KCNAB1: variants seen among roughly 807,000 people sequenced by gnomAD.
KCNAB1 encodes potassium voltage-gated channel subfamily A regulatory beta subunit 1, also known as voltage-gated potassium channel subunit beta-1.
In KCNAB1, 35 loss-of-function variants were observed where a neutral mutation model predicts 64.6. The observed-to-expected ratio is 0.54, with a 90% CI of 0.41 to 0.72. KCNAB1 has a LOEUF of 0.72. Ranked by LOEUF, KCNAB1 falls within the 30% of genes least tolerant of loss-of-function variation. KCNAB1 has a pLI of 0.00. For missense variants in KCNAB1, 401 were observed against 512.9 expected (o/e 0.78, Z 2.11); for synonymous variants, 177 against 183.8 (o/e 0.96, Z 0.30).
At chr3:156,381,254 G>A (rs73873348) in intron 1 of KCNAB1, among the ~76,000 whole-genome samples, 2,955 of 152,224 alleles carry the variant, frequency 0.019, 90 homozygotes, top group African/African-American at 0.066. Context: ...TGAACTGGCC[G>A]GTTAAAGGAT....
At chr3:156,450,552 A>G (rs1343884018) in intron 2 of KCNAB1, among the ~76,000 whole-genome samples, 1 of 152,220 alleles carries the variant, frequency 6.6e-6, no homozygotes, top group African/African-American at 2.4e-5. Flanking sequence ...TAACATTTAC[A>G]AATGCCTGTT....
At chr3:156,400,266 T>C (rs1713793978) in intron 1 of KCNAB1, among the ~76,000 whole-genome samples, 1 of 152,234 alleles carries the variant, frequency 6.6e-6, no homozygotes, top group South Asian at 2.1e-4. Flanking sequence ...ACAGGCAATG[T>C]GTTTGGAGCC....
intron 2 of KCNAB1, among the ~76,000 whole-genome samples, chr3:156,423,700 T>TG (rs1286026721): frequency 6.6e-6 from 1 of 152,200 alleles, no homozygotes; most frequent in Non-Finnish European, 1.5e-5. Flanking sequence ...GGTGGGTTTT[T>TG]GTTTTTTTAC....
At chr3:156,310,497 G>A (rs1340981421) in intron 1 of KCNAB1, among the ~76,000 whole-genome samples, 1 of 152,172 alleles carries the variant, frequency 6.6e-6, no homozygotes, top group African/African-American at 2.4e-5. Flanking sequence ...CACCAGAGGA[G>A]TTGATAAGAA....
At chr3:156,122,331 T>C (rs1560096613) in intron 1 of KCNAB1, among the ~76,000 whole-genome samples, 1 of 152,234 alleles carries the variant, frequency 6.6e-6, no homozygotes. Context: ...AAGGAAAGCA[T>C]TGAAAATGGT....
chr3:156,504,959 C>G (rs1270081304), intron 8 of KCNAB1, among the ~76,000 whole-genome samples: 2 of 152,060 alleles, frequency 1.3e-5, no homozygotes, highest in East Asian at 3.9e-4. Flanking sequence ...CTTTTGAGGT[C>G]TTTCCCATAA....
chr3:156,310,943 G>A (rs1721858236), intron 1 of KCNAB1, among the ~76,000 whole-genome samples: 1 of 152,180 alleles, frequency 6.6e-6, no homozygotes, highest in African/African-American at 2.4e-5. Flanking sequence ...GATGTGGGGA[G>A]GACTGGAACT....
chr3:156,156,960 G>A lies in KCNAB1; in HGVS notation c.275+36074G>A, dbSNP rs1715763146. 3.9e-5 allele frequency among the ~76,000 whole-genome samples: 6 copies of A among 152,308 alleles called. 1 individual carries two copies. In the South Asian group the frequency reaches 1.2e-3, roughly 32 times the overall value. On this transcript the variant is annotated intron_variant, in intron 1 of 13. Coordinates refer to ENST00000490337, the MANE Select transcript of KCNAB1 (RefSeq NM_172160.3). ...AGCCTAGGCTCTCCAATGTGAGGAG[G>A]TAGGAGAGATGAAGAGGAACCAGCA...
At position 156,292,158 on chromosome 3, in the gene KCNAB1, G is replaced by GT. The variant is rs147008612; in HGVS notation, c.276-129457dup. 2,239 of 1,610,920 alleles carry GT rather than the reference G, an allele frequency of 1.4e-3. 17 individuals are homozygous for GT. In the African/African-American group the frequency reaches 0.025, roughly 18 times the overall value. On this transcript the variant is annotated intron_variant, in intron 1 of 13. Transcript: ENST00000490337. ...GCACGTAAGATTCCCTCTGTGCGGG[G>GT]TATCCAGGTTCTATACAGGTGCAGT...
At chr3:156,428,871 G>A (rs1206888389) in intron 2 of KCNAB1, among the ~76,000 whole-genome samples, 3 of 152,118 alleles carry the variant, frequency 2.0e-5, no homozygotes, top group Non-Finnish European at 4.4e-5. Flanking sequence ...TTGGGTCCCT[G>A]TTTCACACAT....
intron 1 of KCNAB1, among the ~76,000 whole-genome samples, chr3:156,196,665 C>A (rs1249808197): frequency 6.6e-6 from 1 of 152,102 alleles, no homozygotes; most frequent in East Asian, 1.9e-4. Context: ...ATTTTGTATC[C>A]TGAGACTTTG....
rs563765372 is a variant in KCNAB1, at chr3:156,177,521, C to T, written c.275+56635C>T. On this transcript the variant is annotated intron_variant, in intron 1 of 13. Coordinates refer to ENST00000490337, the MANE Select transcript of KCNAB1 (RefSeq NM_172160.3). ...ACTCCGGAGTAGCTGGGACTACAAG[C>T]GCCCGCCACCCCGCCTGGCTAATTT... Among the ~76,000 whole-genome samples the T allele has an allele frequency of 5.9e-5, 9 of 152,138 alleles. No individual in the cohort carries two copies. In the South Asian group the frequency reaches 1.5e-3, roughly 25 times the overall value.
intron 12 of KCNAB1, among the ~76,000 whole-genome samples, chr3:156,528,635 G>C (rs1718488392): frequency 6.6e-6 from 1 of 152,102 alleles, no homozygotes; most frequent in African/African-American, 2.4e-5. Flanking sequence ...TATTAGTGAG[G>C]CAAAAAGAAA....
chr3:156,443,765 CACACACACACACACACT>C (rs964734146), intron 2 of KCNAB1, among the ~76,000 whole-genome samples: 1 of 151,382 alleles, frequency 6.6e-6, no homozygotes, highest in Non-Finnish European at 1.5e-5. Flanking sequence ...CACACACACA[CACACACACACACACACT>C]ATTCTTTACT....
intron 1 of KCNAB1, among the ~76,000 whole-genome samples, chr3:156,401,552 G>A (rs1713891655): frequency 6.6e-6 from 1 of 152,200 alleles, no homozygotes; most frequent in Admixed American, 6.5e-5. Context: ...GTTCATTCAT[G>A]TAGTCCATGG....
At chr3:156,292,075 G>C (rs1276284880) in intron 1 of KCNAB1, 1 of 1,614,032 alleles carries the variant, frequency 6.2e-7, no homozygotes, top group African/African-American at 1.3e-5. Context: ...TCACGCCTCA[G>C]CATCACATTT....
intron 1 of KCNAB1, among the ~76,000 whole-genome samples, chr3:156,295,494 C>A (rs543059180): frequency 4.6e-5 from 7 of 152,188 alleles, no homozygotes; most frequent in Admixed American, 1.3e-4. Context: ...CTGAATTCTG[C>A]AAAATAAAAT....
chr3:156,162,735 A>G (rs1716156489), intron 1 of KCNAB1, among the ~76,000 whole-genome samples: 1 of 152,116 alleles, frequency 6.6e-6, no homozygotes, highest in South Asian at 2.1e-4. Context: ...ACAAAACACC[A>G]AAGAGCTTGA....
chr3:156,426,527 G>A (rs1377459545), intron 2 of KCNAB1, among the ~76,000 whole-genome samples: 1 of 152,102 alleles, frequency 6.6e-6, no homozygotes, highest in East Asian at 1.9e-4. Context: ...TATTGGTGTT[G>A]TACACTCTAT....
Sources: allele counts gnomAD v4.1 joint callset (sites outside exome capture counted in the v4.1 genomes callset), GRCh38; gene constraint gnomAD v4.1.1; transcripts MANE v1.5; gene names NCBI Gene and HGNC (gene_info 2026-07-23, HGNC 2026-07-21).